The following ZFAND3 variants were observed in gnomAD, a reference collection of about 807,000 sequenced individuals.
ZFAND3 encodes the protein AN1-type zinc finger protein 3.
A neutral mutation model predicts 29.6 loss-of-function variants in ZFAND3; 10 were observed. The ratio of observed to expected loss-of-function variants is 0.34; its 90% CI spans 0.21 to 0.57. ZFAND3 has a LOEUF of 0.57. Among genes scored for constraint, ZFAND3 ranks in the 20% least tolerant of loss-of-function variants. ZFAND3 has a pLI of 0.86. For missense variants in ZFAND3, 230 were observed against 304.5 expected, an observed-to-expected ratio of 0.76 and a Z score of 1.82; for synonymous variants, 128 against 112.6, an observed-to-expected ratio of 1.14 and a Z score of -0.87.
intron 2 of ZFAND3, among the ~76,000 whole-genome samples, chr6:37,976,645 G>A (rs1210057442): frequency 6.6e-6 from 1 of 151,278 alleles, no homozygotes; most frequent in Non-Finnish European, 1.5e-5. Context: ...AACAAAAGAG[G>A]TTTAATTGAC....
intron 2 of ZFAND3, among the ~76,000 whole-genome samples, chr6:37,992,628 T>C (rs989099027): frequency 2.6e-5 from 4 of 152,154 alleles, no homozygotes; most frequent in African/African-American, 9.7e-5. Flanking sequence ...ATTGCCACAA[T>C]ATTAAGAAAT....
chr6:37,902,649 C>T (rs1169673578), intron 1 of ZFAND3, among the ~76,000 whole-genome samples: 1 of 151,946 alleles, frequency 6.6e-6, no homozygotes, highest in Non-Finnish European at 1.5e-5. Context: ...TGAATTAGAT[C>T]CCATTTCCTT....
chr6:37,911,463 G>A (rs994931906), intron 1 of ZFAND3, among the ~76,000 whole-genome samples: 3 of 152,056 alleles, frequency 2.0e-5, no homozygotes, highest in Non-Finnish European at 4.4e-5. Context: ...TCAGAAGTAC[G>A]GTTTGCACAT....
At chr6:38,044,445 T>C (rs1013670711) in intron 2 of ZFAND3, among the ~76,000 whole-genome samples, 33 of 152,286 alleles carry the variant, frequency 2.2e-4, no homozygotes, top group Non-Finnish European at 5.9e-5. Context: ...ATTGGTCCTT[T>C]GGCCATCTTG....
In ZFAND3 at chr6:38,113,174, T is replaced by G. The variant is rs147396069; in HGVS notation, c.362-3398T>G. ...TCTTTGATTCTAAAACATAACACAT[T>G]CTGTTAGACATTTCTTCTGCCTTGC... On this transcript the variant is annotated intron_variant, in intron 4 of 5. Transcript: ENST00000287218. Among the ~76,000 whole-genome samples the G allele has an allele frequency of 6.6e-5, 10 of 152,328 alleles. No homozygotes were observed. In the East Asian group the frequency reaches 1.7e-3, roughly 26 times the overall value.
At chr6:37,957,527 T>C (rs980040318) in intron 2 of ZFAND3, among the ~76,000 whole-genome samples, 1 of 152,154 alleles carries the variant, frequency 6.6e-6, no homozygotes, top group Non-Finnish European at 1.5e-5. Flanking sequence ...TTAGGTACAG[T>C]GTAATAAAAT....
In ZFAND3 at chr6:37,941,440, A is replaced by G. The variant is rs551853553; in HGVS notation, c.112+11441A>G. Among the ~76,000 whole-genome samples the G allele has an allele frequency of 1.3e-4, 20 of 152,326 alleles. No homozygotes were observed. The South Asian group carries it at 3.9e-3, about 30-fold the overall frequency. ...GAGAAACAGTGCTGAAAGCTTCACA[A>G]GAGTAGCTAATTTAGGAAAAGGTGT... On this transcript the variant is annotated intron_variant, in intron 2 of 5. Coordinates refer to ENST00000287218, the MANE Select transcript of ZFAND3 (RefSeq NM_021943.3).
intron 2 of ZFAND3, among the ~76,000 whole-genome samples, chr6:37,987,614 C>T (rs1434230065): frequency 6.6e-6 from 1 of 152,144 alleles, no homozygotes; most frequent in African/African-American, 2.4e-5. Context: ...CTTTAAATAC[C>T]CTGGCCCTGC....
intron 5 of ZFAND3, among the ~76,000 whole-genome samples, chr6:38,144,329 C>T (rs1320666929): frequency 6.6e-6 from 1 of 151,380 alleles, no homozygotes; most frequent in Non-Finnish European, 1.5e-5. Context: ...CCAAGTGGTT[C>T]ATGAGTTGAT....
At chr6:37,900,066 CATATT>C (rs1390346298) in intron 1 of ZFAND3, among the ~76,000 whole-genome samples, 5 of 152,036 alleles carry the variant, frequency 3.3e-5, no homozygotes, top group South Asian at 2.1e-4. Flanking sequence ...TGGGTAGTGT[CATATT>C]ATACTCAATA....
chr6:37,985,487 G>A (rs1281628470), intron 2 of ZFAND3, among the ~76,000 whole-genome samples: 2 of 132,088 alleles, frequency 1.5e-5, no homozygotes, highest in African/African-American at 2.9e-5. Flanking sequence ...CTGGTGGCAC[G>A]TGCTTGTGGT....
At chr6:38,117,215 T>G (rs1434300243) in intron 5 of ZFAND3, among the ~76,000 whole-genome samples, 1 of 151,868 alleles carries the variant, frequency 6.6e-6, no homozygotes, top group African/African-American at 2.4e-5. Context: ...AAATTACCTT[T>G]GAACCTTAGT....
At chr6:37,978,689 C>T (rs1022799333) in intron 2 of ZFAND3, among the ~76,000 whole-genome samples, 9 of 152,150 alleles carry the variant, frequency 5.9e-5, no homozygotes, top group African/African-American at 1.7e-4. Flanking sequence ...TTTCCTCTAA[C>T]TTGTATTTAT....
At chr6:38,112,790 A>T (rs1269012514) in intron 4 of ZFAND3, among the ~76,000 whole-genome samples, 1 of 152,194 alleles carries the variant, frequency 6.6e-6, no homozygotes, top group Non-Finnish European at 1.5e-5. Context: ...TTATTTAAGC[A>T]ACTCGCCCTG....
chr6:38,142,638 C>T (rs1207377114), intron 5 of ZFAND3, among the ~76,000 whole-genome samples: 2 of 152,116 alleles, frequency 1.3e-5, no homozygotes, highest in Admixed American at 6.5e-5. Context: ...AGGTCGTTCC[C>T]AAAACAGAAG....
At chr6:37,893,056 C>T (rs1328216031) in intron 1 of ZFAND3, among the ~76,000 whole-genome samples, 2 of 152,254 alleles carry the variant, frequency 1.3e-5, no homozygotes, top group South Asian at 2.1e-4. Context: ...CACACACACA[C>T]GCATGCACAC....
intron 2 of ZFAND3, among the ~76,000 whole-genome samples, chr6:38,050,132 T>C (rs2127459755): frequency 6.6e-6 from 1 of 151,630 alleles, no homozygotes; most frequent in South Asian, 2.1e-4. Context: ...TTTTTGTATT[T>C]TTAGTAGAGA....
At chr6:37,934,187 C>T (rs1761651916) in intron 2 of ZFAND3, among the ~76,000 whole-genome samples, 1 of 148,000 alleles carries the variant, frequency 6.8e-6, no homozygotes. Flanking sequence ...TGCGCCCGGC[C>T]CTTTTTTTTT....
chr6:37,991,676 A>G (rs1762761015), intron 2 of ZFAND3, among the ~76,000 whole-genome samples: 2 of 152,206 alleles, frequency 1.3e-5, no homozygotes, highest in African/African-American at 2.4e-5. Flanking sequence ...GTGTTTCTGC[A>G]CAGTAGCATA....
Sources: allele counts gnomAD v4.1 joint callset (sites outside exome capture counted in the v4.1 genomes callset), GRCh38; gene constraint gnomAD v4.1.1; transcripts MANE v1.5; gene names NCBI Gene and HGNC (gene_info 2026-07-23, HGNC 2026-07-21).